The following MRC1 variants were observed in gnomAD, a reference collection of about 807,000 sequenced individuals.
MRC1 encodes the protein mannose receptor C-type 1, also known as macrophage mannose receptor 1.
In MRC1, 62 loss-of-function variants were observed where a neutral mutation model predicts 102.9. The ratio of observed to expected loss-of-function variants is 0.60; its 90% CI spans 0.49 to 0.74. MRC1 has a LOEUF of 0.74. Among genes scored for constraint, MRC1 ranks in the 30% least tolerant of loss-of-function variants. The pLI, the probability that MRC1 is intolerant of heterozygous loss-of-function variation, is 0.00. For synonymous variants in MRC1, 457 were observed against 298.4 expected (o/e 1.53, Z -5.48); for missense variants, 1,237 against 862.8 (o/e 1.43, Z -5.43).
intron 28 of MRC1, among the ~76,000 whole-genome samples, chr10:17,908,128 G>T (rs1554844005): frequency 1.3e-5 from 2 of 152,216 alleles, no homozygotes; most frequent in African/African-American, 4.8e-5. Context: ...AAGATGGAAA[G>T]TGAGACCATG....
At chr10:17,847,300 C>T (rs1289896714) in intron 6 of MRC1, among the ~76,000 whole-genome samples, 8 of 152,134 alleles carry the variant, frequency 5.3e-5, no homozygotes, top group Non-Finnish European at 8.8e-5. Flanking sequence ...CTTAACCTGC[C>T]GGTGCTGGGA....
chr10:17,814,173 G>T (rs1459719394), intron 1 of MRC1, among the ~76,000 whole-genome samples: 1 of 152,164 alleles, frequency 6.6e-6, no homozygotes, highest in East Asian at 1.9e-4. Flanking sequence ...TCAGTGGCTT[G>T]CAGAAGTCAG....
Position 17,873,645 on chromosome 10 carries a change from A to T in MRC1, c.2345-139A>T, listed in dbSNP as rs886191908. 5.8e-4 allele frequency: 419 copies of T among 727,602 alleles called. 1 individual carries two copies. The African/African-American group carries it at 6.1e-3, about 11-fold the overall frequency. 45.1% of individuals were successfully genotyped at this position (727,602 alleles called of 1,614,324 possible). A position where few individuals can be genotyped will look rare whatever the true frequency, so the allele number is the denominator to read the frequency against. On this transcript the variant is annotated intron_variant, in intron 15 of 29. Transcript: ENST00000569591. ...GCCCTCCACAACATGACGTGCAAAT[A>T]GGAGAAAGAAAGGGAAGGGAAAAAA... is the stretch of plus-strand genomic sequence containing the variant.
chr10:17,871,904 C>T (rs901505332), intron 14 of MRC1, 78 bp from the exon 15 acceptor site: 17 of 736,742 alleles, frequency 2.3e-5, no homozygotes, highest in East Asian at 2.2e-4. Context: ...ACATATCTTT[C>T]GTTTTCTGTT....
intron 8 of MRC1, among the ~76,000 whole-genome samples, chr10:17,855,626 C>T (rs1833077538): frequency 6.7e-6 from 1 of 149,500 alleles, no homozygotes; most frequent in African/African-American, 2.5e-5. Flanking sequence ...CTTGCGAGCA[C>T]CGTCATCCAA....
At chr10:17,846,659 T>A (rs918247533) in intron 6 of MRC1, among the ~76,000 whole-genome samples, 1 of 152,232 alleles carries the variant, frequency 6.6e-6, no homozygotes, top group Non-Finnish European at 1.5e-5. Context: ...TAATTATTTT[T>A]GTTTCATACA....
intron 22 of MRC1, 49 bp from the exon 23 acceptor site, chr10:17,894,161 A>T: frequency 1.2e-6 from 1 of 865,388 alleles, no homozygotes; most frequent in Non-Finnish European, 2.0e-6. Flanking sequence ...TGATTTCAAT[A>T]GTCGTTGATT....
intron 3 of MRC1, among the ~76,000 whole-genome samples, chr10:17,831,191 G>A (rs936955178): frequency 2.0e-5 from 3 of 150,740 alleles, no homozygotes; most frequent in East Asian, 1.9e-4. Context: ...CATGGCGCCC[G>A]CATTTTCTAC....
At chr10:17,894,380 T>A in intron 23 of MRC1, 68 bp downstream of exon 23, 1 of 724,426 alleles carries the variant, frequency 1.4e-6, no homozygotes, top group Non-Finnish European at 2.4e-6. Flanking sequence ...TTTTCTTTCT[T>A]TCTTTCTTTC....
At chr10:17,908,610 C>T (rs1246244999) in intron 28 of MRC1, among the ~76,000 whole-genome samples, 1 of 151,798 alleles carries the variant, frequency 6.6e-6, no homozygotes, top group Non-Finnish European at 1.5e-5. Flanking sequence ...CACTCTGTTG[C>T]CCACTCTGTT....
intron 3 of MRC1, among the ~76,000 whole-genome samples, chr10:17,829,271 T>C (rs1554838880): frequency 1.3e-5 from 2 of 151,486 alleles, no homozygotes; most frequent in Non-Finnish European, 2.9e-5. Flanking sequence ...ACTTAAAAAA[T>C]ACCTGAATTT....
chr10:17,890,124 C>T (rs1397005312), intron 22 of MRC1, among the ~76,000 whole-genome samples: 1 of 152,130 alleles, frequency 6.6e-6, no homozygotes, highest in Non-Finnish European at 1.5e-5. Context: ...TTTCTTTCAG[C>T]ACTTTAAATA....
chr10:17,901,724 G>GA (rs1833832417), intron 25 of MRC1, among the ~76,000 whole-genome samples: 1 of 152,006 alleles, frequency 6.6e-6, no homozygotes, highest in Non-Finnish European at 1.5e-5. Context: ...GGTATCTATA[G>GA]ATCGATTGTC....
intron 4 of MRC1, among the ~76,000 whole-genome samples, chr10:17,837,367 T>TA (rs1306438787): frequency 1.3e-5 from 2 of 152,176 alleles, no homozygotes; most frequent in African/African-American, 4.8e-5. Context: ...ACAGGGAATT[T>TA]AAAAAATAGG....
chr10:17,862,591 C>T (rs1288860879), intron 10 of MRC1, among the ~76,000 whole-genome samples: 5 of 152,094 alleles, frequency 3.3e-5, no homozygotes, highest in Non-Finnish European at 7.4e-5. Flanking sequence ...CTCAGGAGTT[C>T]ACTAACTGTT....
intron 21 of MRC1, among the ~76,000 whole-genome samples, chr10:17,882,051 C>G (rs1036959094): frequency 3.8e-4 from 57 of 151,820 alleles, no homozygotes; most frequent in Non-Finnish European, 2.5e-4. Context: ...TGGTAAAATT[C>G]ATGATGTTGT....
intron 2 of MRC1, among the ~76,000 whole-genome samples, chr10:17,826,710 C>G (rs1589166009): frequency 1.3e-5 from 2 of 152,320 alleles, no homozygotes; most frequent in South Asian, 4.1e-4. Flanking sequence ...TGGCTTAAGC[C>G]AAACCATAAT....
chr10:17,848,217 A>AAT (rs1353631344), intron 6 of MRC1, among the ~76,000 whole-genome samples: 1 of 152,212 alleles, frequency 6.6e-6, no homozygotes, highest in Non-Finnish European at 1.5e-5. Flanking sequence ...TATGAGCTTA[A>AAT]ATAATATATA....
At chr10:17,844,469 C>T (rs1179016495) in intron 5 of MRC1, among the ~76,000 whole-genome samples, 1 of 152,166 alleles carries the variant, frequency 6.6e-6, no homozygotes, top group Non-Finnish European at 1.5e-5. Context: ...ATCCATCCGC[C>T]TCAGCCTCCC....
Sources: gnomAD v4.1 joint callset for allele counts (sites outside exome capture counted in the v4.1 genomes callset) on GRCh38, gnomAD v4.1.1 for gene constraint, MANE v1.5 for transcripts, NCBI Gene and HGNC (gene_info 2026-07-23, HGNC 2026-07-21) for gene names.